Variants in DDC observed in about 807,000 individuals in gnomAD.
DDC encodes aromatic-L-amino-acid decarboxylase.
In DDC, 43 loss-of-function variants were observed where a neutral mutation model predicts 60.0. The ratio of observed to expected loss-of-function variants is 0.72; its 90% confidence interval spans 0.56 to 0.92. DDC has a LOEUF of 0.92. Ranked by LOEUF, DDC falls within the 40% of genes least tolerant of loss-of-function variation. The pLI, the probability that DDC is intolerant of heterozygous loss-of-function variation, is 0.00. For synonymous variants in DDC, 232 were observed against 234.6 expected (o/e 0.99, Z 0.10); for missense variants, 573 against 620.2 (o/e 0.92, Z 0.81).
At chr7:50,498,484 A>G (rs1563004454) in intron 8 of DDC, among the ~76,000 whole-genome samples, 1 of 152,232 alleles carries the variant, frequency 6.6e-6, no homozygotes. Context: ...ATGAGCCACC[A>G]CCAACAATGA....
At chr7:50,489,702 G>A (rs1258254238) in intron 9 of DDC, among the ~76,000 whole-genome samples, 2 of 152,090 alleles carry the variant, frequency 1.3e-5, no homozygotes, top group African/African-American at 4.8e-5. Context: ...CACATAGATT[G>A]GAAGAGCTAA....
chr7:50,519,081 G>T (rs1238649841), intron 6 of DDC, among the ~76,000 whole-genome samples: 1 of 152,082 alleles, frequency 6.6e-6, no homozygotes, highest in Non-Finnish European at 1.5e-5. Context: ...CTGGGCTAAG[G>T]ACATGAATAG....
chr7:50,468,297 A>G (rs1326396864), intron 12 of DDC, among the ~76,000 whole-genome samples: 1 of 152,238 alleles, frequency 6.6e-6, no homozygotes, highest in African/African-American at 2.4e-5. Flanking sequence ...CTCTGCTCCT[A>G]AGGCAGGATT....
rs184168046 is a variant in DDC at position 50,462,904 on chromosome 7, G to A, written c.*18+309C>T. Among the ~76,000 whole-genome samples the A allele has an allele frequency of 2.0e-4, 30 of 151,902 alleles. No individual in the cohort carries two copies. In the East Asian group the frequency reaches 5.2e-3, roughly 26 times the overall value. On this transcript the variant is annotated intron_variant, in intron 14 of 14. Coordinates refer to ENST00000444124, the MANE Select transcript of DDC (RefSeq NM_001082971.2). The stretch of plus-strand genomic sequence containing the variant: ...CCTGCCTCAGCCTCTGGAATAGCTG[G>A]GATTACAGGTGCATGCCACCACGCC...
chr7:50,544,770 G>A (rs1386262702), intron 1 of DDC, among the ~76,000 whole-genome samples: 2 of 152,166 alleles, frequency 1.3e-5, no homozygotes, highest in Non-Finnish European at 1.5e-5. Context: ...AGTTGCCATG[G>A]CCATAAACTC....
chr7:50,542,625 A>G (rs1368074927), intron 2 of DDC: 1 of 152,204 alleles, frequency 6.6e-6, no homozygotes, highest in Non-Finnish European at 1.5e-5. Flanking sequence ...GCCCCCATAG[A>G]AGGAAGCAGA....
chr7:50,484,294 T>A (rs1422046795), intron 9 of DDC, among the ~76,000 whole-genome samples: 17 of 152,226 alleles, frequency 1.1e-4, no homozygotes, highest in Non-Finnish European at 2.5e-4. Context: ...CATTTCTTAA[T>A]TCTTATTGCT....
chr7:50,562,864 G>A (rs2045371241), intron 1 of DDC, among the ~76,000 whole-genome samples: 1 of 152,114 alleles, frequency 6.6e-6, no homozygotes, highest in Non-Finnish European at 1.5e-5. Context: ...TTATTCAGTA[G>A]CTATTAAAAA....
chr7:50,525,080 C>A (rs2044001679), intron 6 of DDC, among the ~76,000 whole-genome samples: 1 of 152,158 alleles, frequency 6.6e-6, no homozygotes, highest in Non-Finnish European at 1.5e-5. Flanking sequence ...AAAAGCTGAT[C>A]TTGAAATGTC....
At chr7:50,515,887 A>T (rs1390492138) in intron 6 of DDC, among the ~76,000 whole-genome samples, 1 of 152,230 alleles carries the variant, frequency 6.6e-6, no homozygotes, top group African/African-American at 2.4e-5. Context: ...GTAATCCTAC[A>T]TATATATGTG....
intron 6 of DDC, 107 bp from the exon 7 acceptor site, chr7:50,504,166 G>A (rs572091609): frequency 9.6e-5 from 76 of 788,752 alleles, no homozygotes; most frequent in South Asian, 6.8e-4. Flanking sequence ...GCCATGAGCC[G>A]AGATCCCAAT....
chr7:50,551,966 C>A (rs1339184747), intron 1 of DDC, among the ~76,000 whole-genome samples: 2 of 152,116 alleles, frequency 1.3e-5, no homozygotes, highest in Non-Finnish European at 2.9e-5. Flanking sequence ...CAGAAAGACG[C>A]TCAGCTTCTG....
rs573156222 is a variant in DDC, at chr7:50,497,196, C to T, written c.877-1779G>A. 4.2e-5 allele frequency among the ~76,000 whole-genome samples: 6 copies of T among 142,620 alleles called. No homozygotes were observed. The East Asian group carries it at 8.1e-4, about 19-fold the overall frequency. 93.6% of individuals were successfully genotyped at this position (142,620 alleles called of 152,430 possible). On this transcript the variant is annotated intron_variant, in intron 8 of 14. Coordinates refer to ENST00000444124, the MANE Select transcript of DDC (RefSeq NM_001082971.2). ...AGCCTCCTTATCTGCCCCACTGAGA[C>T]GCACAGCCCTCAGCTGGGCATGGAA... is the stretch of plus-strand genomic sequence containing the variant.
chr7:50,545,607 G>A (rs2044776515), intron 1 of DDC, among the ~76,000 whole-genome samples: 1 of 152,080 alleles, frequency 6.6e-6, no homozygotes, highest in South Asian at 2.1e-4. Context: ...TGAGTAGCTG[G>A]GATTATAAGC....
intron 1 of DDC, among the ~76,000 whole-genome samples, chr7:50,562,800 C>T (rs889622400): frequency 1.3e-5 from 2 of 152,204 alleles, no homozygotes; most frequent in Admixed American, 1.3e-4. Flanking sequence ...ATTTTATTAT[C>T]ATTTATGTAT....
At chr7:50,482,089 C>G (rs2042781517) in intron 9 of DDC, among the ~76,000 whole-genome samples, 1 of 152,178 alleles carries the variant, frequency 6.6e-6, no homozygotes, top group African/African-American at 2.4e-5. Context: ...CATGCATCTG[C>G]CAATGGAATA....
At chr7:50,463,534 G>A (rs2042331926) in intron 13 of DDC, 103 bp from the exon 14 acceptor site, 1 of 961,696 alleles carries the variant, frequency 1.0e-6, no homozygotes, top group South Asian at 1.3e-5. Flanking sequence ...CCGTACATCA[G>A]GAAGAAGCCG....
At chr7:50,480,508 C>T (rs11575450) in intron 9 of DDC, among the ~76,000 whole-genome samples, 4,619 of 152,264 alleles carry the variant, frequency 0.03, 120 homozygotes, top group African/African-American at 0.07. Flanking sequence ...TTTGTAGCCA[C>T]GGTGGACAGA....
chr7:50,495,338 A>G lies in DDC; in HGVS notation c.944+12T>C. On this transcript the variant is annotated intron_variant, in intron 9 of 14. Transcript: ENST00000444124. ...GGACAGGCAACTGACATCTGTGAGC[A>G]GGGAAACTTACCACATGGCAGAACA... The G allele has an allele frequency of 6.2e-7, 1 of 1,606,892 alleles. No individual in the cohort carries two copies. The highest frequency in any genetic ancestry group is 8.5e-7 in the Non-Finnish European group (1 of 1,173,858).
Sources: gnomAD v4.1 joint callset for allele counts (sites outside exome capture counted in the v4.1 genomes callset) on GRCh38, gnomAD v4.1.1 for gene constraint, MANE v1.5 for transcripts, NCBI Gene and HGNC (gene_info 2026-07-23, HGNC 2026-07-21) for gene names.